The following SP140 variants were observed in gnomAD, a reference collection of about 807,000 sequenced individuals.
SP140 encodes the protein nuclear body protein SP140.
In SP140, 81 loss-of-function variants were observed where a neutral mutation model predicts 125.0. The observed-to-expected ratio is 0.65, with a 90% confidence interval of 0.54 to 0.78. The LOEUF (loss-of-function observed/expected upper bound fraction) is 0.78. SP140 is among the 30% of genes least tolerant of loss of function. The pLI is 0.00. For missense variants in SP140, 858 were observed against 1,037.0 expected (o/e 0.83, Z 2.37); for synonymous variants, 312 against 354.0 (o/e 0.88, Z 1.33).
chr2:230,198,973 T>C (rs1239888355), upstream of SP140, among the ~76,000 whole-genome samples: 1 of 152,012 alleles, frequency 6.6e-6, no homozygotes, highest in African/African-American at 2.4e-5. Flanking sequence ...AGCTGGAACA[T>C]AGACATGCTG....
At position 230,237,023 on chromosome 2, in the gene SP140, A is replaced by G. The variant is rs2048107659; in HGVS notation, c.60-60A>G. The G allele has an allele frequency of 7.2e-7, 1 of 1,387,990 alleles. No homozygotes were observed. The highest frequency in any genetic ancestry group is 2.5e-5 in the East Asian group (1 of 40,612). The allele number at this position is 1,387,990 out of a possible 1,614,324, so 86.0% of individuals were successfully genotyped here. A position where few individuals can be genotyped will look rare whatever the true frequency, so the allele number is the denominator to read the frequency against. On this transcript the variant is annotated intron_variant, in intron 1 of 26. Coordinates refer to ENST00000392045, the MANE Select transcript of SP140 (RefSeq NM_007237.5). The surrounding 1 kb of genome is among the most constrained non-coding windows in gnomAD (Gnocchi z 5.4). ...CATCCTTCATGTCTAAAATCTTCTA[A>G]CCACCACAAACCTCTTGGAAACTCA...
intron 12 of SP140, among the ~76,000 whole-genome samples, chr2:230,263,536 A>T (rs1233132173): frequency 6.6e-6 from 1 of 151,754 alleles, no homozygotes; most frequent in Non-Finnish European, 1.5e-5. Flanking sequence ...TTATTTTTTA[A>T]CTTGTATTTT....
chr2:230,187,237 A>G, the SP140 span, among the ~76,000 whole-genome samples: 1 of 151,912 alleles, frequency 6.6e-6, no homozygotes, highest in African/African-American at 2.4e-5. Context: ...TTTAATCTTC[A>G]TTTCCCTGAT....
chr2:230,249,487 A>G (rs1402081809), intron 9 of SP140, among the ~76,000 whole-genome samples: 2 of 152,196 alleles, frequency 1.3e-5, no homozygotes, highest in African/African-American at 4.8e-5. Flanking sequence ...ACCTGGAAGA[A>G]GATAACTTTG....
chr2:230,199,270 G>A (rs191116300), upstream of SP140, among the ~76,000 whole-genome samples: 8 of 131,794 alleles, frequency 6.1e-5, no homozygotes, highest in African/African-American at 1.7e-4. Flanking sequence ...GTGTAGTGGT[G>A]TGATCTTGGC....
At chr2:230,221,298 A>G (rs946123505), upstream of SP140, among the ~76,000 whole-genome samples, 2 of 151,754 alleles carry the variant, frequency 1.3e-5, no homozygotes, top group Non-Finnish European at 2.9e-5. Flanking sequence ...AAAAAAAAAA[A>G]GAATTCTATG....
chr2:230,306,524 A>G (rs919245745), intron 22 of SP140, among the ~76,000 whole-genome samples: 2 of 152,220 alleles, frequency 1.3e-5, no homozygotes. Context: ...TGGGCCTCCC[A>G]GTGCTCTTGG....
chr2:230,200,996 C>G, upstream of SP140: 1 of 1,529,810 alleles, frequency 6.5e-7, no homozygotes, highest in African/African-American at 1.4e-5. Flanking sequence ...GTAAATGCCC[C>G]TTGGGAAACA....
At chr2:230,247,315 C>G (rs1425102079) in intron 7 of SP140, among the ~76,000 whole-genome samples, 2 of 152,130 alleles carry the variant, frequency 1.3e-5, no homozygotes, top group Non-Finnish European at 2.9e-5. Context: ...GACTCCTCTC[C>G]CAGTGTTCCC....
chr2:230,203,688 A>C (rs2043434072), intron 1 of SP140: 1 of 152,054 alleles, frequency 6.6e-6, no homozygotes, highest in South Asian at 2.1e-4. Context: ...AAAATATGAG[A>C]GTGTGGTATG....
intron 19 of SP140, 144 bp from the exon 20 acceptor site, chr2:230,292,502 C>G: frequency 9.1e-7 from 1 of 1,101,774 alleles, no homozygotes. Context: ...TTTGGGGCCT[C>G]TGTAGTCTGA....
At chr2:230,195,218 G>A in the SP140 span, among the ~76,000 whole-genome samples, 1 of 152,016 alleles carries the variant, frequency 6.6e-6, no homozygotes, top group African/African-American at 2.4e-5. Context: ...CTTTGAGAAG[G>A]CAAGAAAACC....
chr2:230,242,009 C>T (rs10201872), intron 4 of SP140, among the ~76,000 whole-genome samples: 20,268 of 151,816 alleles, frequency 0.13, 1,509 homozygotes, highest in Middle Eastern at 0.22. Context: ...GATAGAATTG[C>T]GCAGGGAGAC....
intron 1 of SP140, among the ~76,000 whole-genome samples, chr2:230,213,268 TG>T (rs1263816331): frequency 6.6e-6 from 1 of 152,226 alleles, no homozygotes; most frequent in Non-Finnish European, 1.5e-5. Flanking sequence ...AATACCAAAA[TG>T]GTTTCACACA....
upstream of SP140, chr2:230,200,457 CAGAA>C (rs1247898226): frequency 5.4e-6 from 1 of 184,430 alleles, no homozygotes; most frequent in Non-Finnish European, 1.1e-5. Flanking sequence ...TCAATTTTCT[CAGAA>C]AGGCCACATG....
chr2:230,227,721 G>A (rs566391882), intron 1 of SP140, among the ~76,000 whole-genome samples: 1 of 152,258 alleles, frequency 6.6e-6, no homozygotes, highest in South Asian at 2.1e-4. Flanking sequence ...AGAGTCCATA[G>A]TTTTCCTTTA....
chr2:230,227,653 G>A (rs957596783), intron 1 of SP140, among the ~76,000 whole-genome samples: 1 of 152,118 alleles, frequency 6.6e-6, no homozygotes, highest in African/African-American at 2.4e-5. Context: ...TGCAAGTTTT[G>A]GTTAGTTTGC....
Position 230,241,763 on chromosome 2 carries a change from C to T in SP140, c.490+276C>T, listed in dbSNP as rs568514052. Among the ~76,000 whole-genome samples, 99 of 152,320 alleles carry T rather than the reference C, an allele frequency of 6.5e-4. 1 individual carries two copies. The highest frequency in any genetic ancestry group is 2.3e-3 in the African/African-American group (94 of 41,578). On this transcript the variant is annotated intron_variant, in intron 4 of 26. Coordinates refer to ENST00000392045, the MANE Select transcript of SP140 (RefSeq NM_007237.5). ...ACAGAGAATAATACAGGACAAATTA[C>T]ATGAATGGATTCCATCTTCTAAAGG...
At chr2:230,284,848 A>T (rs1249368843) in intron 16 of SP140, among the ~76,000 whole-genome samples, 4 of 152,196 alleles carry the variant, frequency 2.6e-5, no homozygotes, top group African/African-American at 9.6e-5. Context: ...GTAATTATTT[A>T]TCTGTACATA....
Sources: gnomAD v4.1 joint callset for allele counts (sites outside exome capture counted in the v4.1 genomes callset) on GRCh38, gnomAD v4.1.1 for gene constraint, Gnocchi (gnomAD v3.1) non-coding constraint, MANE v1.5 for transcripts, NCBI Gene and HGNC (gene_info 2026-07-23, HGNC 2026-07-21) for gene names.